The following CIROZ variants were observed in gnomAD, a reference collection of about 807,000 sequenced individuals.
CIROZ encodes ciliated left-right organizer ZP-N domains-containing protein.
At chr1:10,966,511 G>C in the CIROZ span, 2 of 1,513,972 alleles carry the variant, frequency 1.3e-6, no homozygotes, top group Non-Finnish European at 1.8e-6. Context: ...AGAAACGTGG[G>C]TTGAGCCTGT....
At chr1:10,980,360 G>A in the CIROZ span, among the ~76,000 whole-genome samples, 12 of 152,358 alleles carry the variant, frequency 7.9e-5, no homozygotes, top group African/African-American at 2.2e-4. Context: ...ATTCAGAAGC[G>A]CCTGTGGCGA....
the CIROZ span, among the ~76,000 whole-genome samples, chr1:10,967,939 A>T: frequency 1.1e-4 from 16 of 152,218 alleles, no homozygotes; most frequent in Non-Finnish European, 1.9e-4. Flanking sequence ...GCGCCACTGC[A>T]CTCCAGCCTG....
At chr1:10,949,719 G>A in the CIROZ span, 1 of 1,596,628 alleles carries the variant, frequency 6.3e-7, no homozygotes, top group Non-Finnish European at 8.5e-7. Flanking sequence ...GAAGCAGCAG[G>A]TGGCACTCCC....
At chr1:10,965,588 A>T in the CIROZ span, among the ~76,000 whole-genome samples, 1 of 152,004 alleles carries the variant, frequency 6.6e-6, no homozygotes, top group East Asian at 1.9e-4. Context: ...ACCTGGGTGT[A>T]GTGGTGCATG....
At chr1:10,947,184 A>G in the CIROZ span, among the ~76,000 whole-genome samples, 1 of 152,198 alleles carries the variant, frequency 6.6e-6, no homozygotes, top group Non-Finnish European at 1.5e-5. Context: ...CACACAGCCA[A>G]AGAGCAGAGG....
the CIROZ span, among the ~76,000 whole-genome samples, chr1:10,972,401 C>G: frequency 1.4e-5 from 2 of 143,156 alleles, no homozygotes; most frequent in African/African-American, 5.1e-5. Flanking sequence ...GGCAACCTAG[C>G]AAGACCCTGT....
chr1:10,966,589 T>C, the CIROZ span: 2 of 1,251,408 alleles, frequency 1.6e-6, no homozygotes, highest in African/African-American at 3.0e-5. Flanking sequence ...GCCTGGAAGC[T>C]TCTTACCTGG....
the CIROZ span, chr1:10,958,802 T>C: frequency 6.3e-7 from 1 of 1,599,354 alleles, no homozygotes; most frequent in Non-Finnish European, 8.6e-7. Flanking sequence ...TGAGCAAAGG[T>C]GAGCAAACAT....
chr1:10,958,707 C>T, the CIROZ span: 2,247 of 1,614,068 alleles, frequency 1.4e-3, 31 homozygotes, highest in African/African-American at 0.027. Context: ...CAATGGGGCC[C>T]GCTTACCTGT....
At chr1:10,958,671 C>T in the CIROZ span, 1 of 1,611,716 alleles carries the variant, frequency 6.2e-7, no homozygotes, top group Non-Finnish European at 8.5e-7. Context: ...CTAGCAGAAA[C>T]TTCCAGAGAG....
At chr1:10,964,040 G>A in the CIROZ span, 1 of 1,520,500 alleles carries the variant, frequency 6.6e-7, no homozygotes, top group South Asian at 1.3e-5. Context: ...CTGTGGTGCA[G>A]GAGCCAGGGC....
the CIROZ span, among the ~76,000 whole-genome samples, chr1:10,969,658 A>G: frequency 1.3e-5 from 2 of 152,230 alleles, no homozygotes; most frequent in African/African-American, 4.8e-5. Context: ...CTGAAGATGC[A>G]GCTGTAAACA....
chr1:10,975,916 C>T, the CIROZ span, among the ~76,000 whole-genome samples: 5 of 152,098 alleles, frequency 3.3e-5, no homozygotes, highest in Non-Finnish European at 7.4e-5. Context: ...AAACAAGCAC[C>T]GAGCTCTGAG....
the CIROZ span, chr1:10,966,620 AT>A: frequency 9.8e-7 from 1 of 1,018,048 alleles, no homozygotes; most frequent in Non-Finnish European, 1.3e-6. Flanking sequence ...AATAGCAGTA[AT>A]TTTTAAAAGT....
the CIROZ span, chr1:10,976,053 G>T: frequency 1.1e-6 from 1 of 883,994 alleles, no homozygotes; most frequent in Non-Finnish European, 1.7e-6. Context: ...AGGCTTTCTC[G>T]CTTCCAAAGT....
At chr1:10,972,420 T>TACAAACACACAC in the CIROZ span, among the ~76,000 whole-genome samples, 7 of 131,806 alleles carry the variant, frequency 5.3e-5, no homozygotes, top group African/African-American at 2.1e-4. Flanking sequence ...GTCTCTGAAA[T>TACAAACACACAC]ACACACACAC....
At chr1:10,981,973 C>T in the CIROZ span, 1 of 1,536,928 alleles carries the variant, frequency 6.5e-7, no homozygotes, top group Non-Finnish European at 8.7e-7. Context: ...ACTAAGCATG[C>T]CACTGGCTTC....
At chr1:10,951,744 A>T in the CIROZ span, among the ~76,000 whole-genome samples, 2 of 134,838 alleles carry the variant, frequency 1.5e-5, no homozygotes, top group Admixed American at 7.4e-5. Flanking sequence ...AAAAAAAAAA[A>T]AATATATATA....
the CIROZ span, among the ~76,000 whole-genome samples, chr1:10,951,981 A>C: frequency 0.027 from 4,166 of 152,176 alleles, 201 homozygotes; most frequent in African/African-American, 0.095. Flanking sequence ...TCACATATTT[A>C]CAAAAGAAAA....
Sources: allele counts gnomAD v4.1 joint callset (sites outside exome capture counted in the v4.1 genomes callset), GRCh38; gene constraint gnomAD v4.1.1; transcripts MANE v1.5; gene names NCBI Gene and HGNC (gene_info 2026-07-23, HGNC 2026-07-21).